The following FEZ1 variants were observed in gnomAD, a reference collection of about 807,000 sequenced individuals.
The protein encoded by FEZ1 is fasciculation and elongation protein zeta-1.
A neutral mutation model predicts 49.3 loss-of-function variants in FEZ1; 20 were observed. The ratio of observed to expected loss-of-function variants is 0.41; its 90% CI spans 0.29 to 0.59. The LOEUF is 0.59. FEZ1 is among the 20% of genes least tolerant of loss of function. The pLI, the probability that FEZ1 is intolerant of heterozygous loss-of-function variation, is 0.36. For synonymous variants in FEZ1, 170 were observed against 180.9 expected, an observed-to-expected ratio of 0.94 and a Z score of 0.48; for missense variants, 413 against 476.0, an observed-to-expected ratio of 0.87 and a Z score of 1.23.
At chr11:125,467,201 G>C (rs1462472898) in intron 3 of FEZ1, among the ~76,000 whole-genome samples, 1 of 151,854 alleles carries the variant, frequency 6.6e-6, no homozygotes, top group South Asian at 2.1e-4. Context: ...ACCTGACTAA[G>C]ATTTTTTTTG....
At chr11:125,476,560 A>G (rs980757421) in intron 3 of FEZ1, among the ~76,000 whole-genome samples, 5 of 152,176 alleles carry the variant, frequency 3.3e-5, no homozygotes, top group Non-Finnish European at 5.9e-5. Context: ...ATGAAGGAAA[A>G]AATTCATTCT....
At chr11:125,480,228 T>C (rs1957266869) in intron 3 of FEZ1, among the ~76,000 whole-genome samples, 3 of 152,040 alleles carry the variant, frequency 2.0e-5, no homozygotes, top group South Asian at 4.2e-4. Context: ...ATACAAAAAT[T>C]AGCCGGGCAT....
At chr11:125,467,270 C>T (rs886140277) in intron 3 of FEZ1, among the ~76,000 whole-genome samples, 1 of 152,126 alleles carries the variant, frequency 6.6e-6, no homozygotes, top group African/African-American at 2.4e-5. Flanking sequence ...TCTCAAACTC[C>T]TGGCCTCAAG....
chr11:125,459,226 G>A (rs2135748514), intron 5 of FEZ1, among the ~76,000 whole-genome samples: 1 of 152,302 alleles, frequency 6.6e-6, no homozygotes, highest in South Asian at 2.1e-4. Context: ...ACTGCTTTCT[G>A]TCTTTGCAGT....
chr11:125,470,296 A>G (rs550300382), intron 3 of FEZ1, among the ~76,000 whole-genome samples: 2 of 152,350 alleles, frequency 1.3e-5, no homozygotes, highest in East Asian at 3.9e-4. Flanking sequence ...CAAATTCTGT[A>G]AAAACTGGAA....
At chr11:125,488,684 A>AAAAAC (rs1257367294) in intron 2 of FEZ1, 11 of 982,472 alleles carry the variant, frequency 1.1e-5, no homozygotes, top group African/African-American at 1.8e-5. Flanking sequence ...CATCTCAAAA[A>AAAAAC]AAAACAAAAC....
At chr11:125,483,192 C>T (rs1957299984) in intron 2 of FEZ1, among the ~76,000 whole-genome samples, 1 of 151,850 alleles carries the variant, frequency 6.6e-6, no homozygotes, top group Non-Finnish European at 1.5e-5. Context: ...AACAAAATGC[C>T]CATATATCAC....
intron 3 of FEZ1, among the ~76,000 whole-genome samples, chr11:125,470,645 A>C (rs1957175872): frequency 2.0e-5 from 3 of 152,200 alleles, no homozygotes. Context: ...AAGAAGGGAA[A>C]AACATGAAAT....
intron 5 of FEZ1, among the ~76,000 whole-genome samples, chr11:125,458,308 C>T: frequency 6.6e-6 from 1 of 152,234 alleles, no homozygotes. Flanking sequence ...GCCCCTTCTG[C>T]AGCGTGGGCA....
intron 6 of FEZ1, 121 bp downstream of exon 6, chr11:125,455,714 G>A (rs1454401473): frequency 1.0e-6 from 1 of 985,326 alleles, no homozygotes; most frequent in Non-Finnish European, 1.6e-6. Flanking sequence ...CTGTCACAGT[G>A]TGCTGCTCAC....
At chr11:125,474,169 C>A (rs112911003) in intron 3 of FEZ1, among the ~76,000 whole-genome samples, 19,790 of 150,224 alleles carry the variant, frequency 0.13, 1,816 homozygotes, top group Admixed American at 0.3. Flanking sequence ...GGATTACAGG[C>A]ACGTGCCACC....
Position 125,495,799 on chromosome 11 carries a change from GACACAC to G in FEZ1, c.-46+316_-46+321del, listed in dbSNP as rs10524234. ...GCACACACGCGGGCACACACACGCG[GACACAC>G]ACACACACACACACACACACACACA... On this transcript the variant is annotated intron_variant, in intron 1 of 9. Transcript: ENST00000278919. The surrounding 1 kb of genome is among the most constrained non-coding windows in gnomAD (Gnocchi z 4.2). The G allele has an allele frequency of 0.095, 28,651 of 300,636 alleles. 215 individuals are homozygous for G. The highest frequency in any genetic ancestry group is 0.14 in the South Asian group (5,358 of 38,106). 18.6% of individuals were successfully genotyped at this position (300,636 alleles called of 1,614,324 possible).
In FEZ1 at chr11:125,446,012, G is replaced by A. The variant is rs991049284; in HGVS notation, c.*83C>T. 17 of 1,334,362 alleles carry A rather than the reference G, an allele frequency of 1.3e-5. No homozygotes were observed. The Admixed American group carries it at 1.3e-4, about 11-fold the overall frequency. The allele number at this position is 1,334,362 out of a possible 1,614,324, so 82.7% of individuals were successfully genotyped here. A position where few individuals can be genotyped will look rare whatever the true frequency, so the allele number is the denominator to read the frequency against. ...ATACACGTTTAAATACATGTCGGAG[G>A]TTACATGGTCTCATGCAGTCCCTGT... On this transcript the variant is annotated 3_prime_UTR_variant, in exon 10 of 10. Transcript: ENST00000278919.
chr11:125,443,643 T>A lies in FEZ1; in HGVS notation c.*2452A>T, dbSNP rs1956872602. Among the ~76,000 whole-genome samples, 1 of 152,150 alleles carries A rather than the reference T, an allele frequency of 6.6e-6. No individual in the cohort carries two copies. Among genetic ancestry groups the A allele is most frequent in the African/African-American group, 2.4e-5 (1 of 41,426 alleles). ...ATTTCTAACAAGCTTCTAAGTGCGG[T>A]CAGTGCTGCTGGCCTGGAAAGCACA... On this transcript the variant is annotated 3_prime_UTR_variant, in exon 10 of 10. Coordinates refer to ENST00000278919, the MANE Select transcript of FEZ1 (RefSeq NM_005103.5).
intron 1 of FEZ1, among the ~76,000 whole-genome samples, chr11:125,492,292 G>A (rs187017464): frequency 1.7e-3 from 258 of 152,308 alleles, no homozygotes; most frequent in African/African-American, 5.6e-3. Flanking sequence ...CCAGTCAGGG[G>A]TTCTTCATCT....
At chr11:125,476,226 T>A (rs1957231704) in intron 3 of FEZ1, among the ~76,000 whole-genome samples, 1 of 152,194 alleles carries the variant, frequency 6.6e-6, no homozygotes, top group Non-Finnish European at 1.5e-5. Context: ...ATGTCAAAAT[T>A]TACCGCATTG....
At chr11:125,472,462 A>G (rs1957192317) in intron 3 of FEZ1, among the ~76,000 whole-genome samples, 1 of 152,130 alleles carries the variant, frequency 6.6e-6, no homozygotes, top group African/African-American at 2.4e-5. Context: ...TTTCAATAAC[A>G]AAACAAAATT....
chr11:125,493,575 G>A (rs551224674), intron 1 of FEZ1, among the ~76,000 whole-genome samples: 3 of 152,018 alleles, frequency 2.0e-5, no homozygotes, highest in Admixed American at 6.5e-5. Context: ...AGTGCTTCAA[G>A]TAAAAGAAAA....
At chr11:125,454,268 C>G (rs1005776822) in intron 6 of FEZ1, 58 bp from the exon 7 acceptor site, 44 of 1,346,512 alleles carry the variant, frequency 3.3e-5, no homozygotes, top group Non-Finnish European at 3.9e-5. Context: ...GTCACCACAC[C>G]CAGGGACCTC....
Sources: gnomAD v4.1 joint callset for allele counts (sites outside exome capture counted in the v4.1 genomes callset) on GRCh38, gnomAD v4.1.1 for gene constraint, Gnocchi (gnomAD v3.1) non-coding constraint, MANE v1.5 for transcripts, NCBI Gene and HGNC (gene_info 2026-07-23, HGNC 2026-07-21) for gene names.